FLCN: variants seen among roughly 807,000 people sequenced by gnomAD.
FLCN encodes folliculin, also known as BHD skin lesion fibrofolliculoma protein.
A neutral mutation model predicts 62.5 loss-of-function variants in FLCN; 22 were observed. The ratio of observed to expected loss-of-function variants is 0.35; its 90% confidence interval spans 0.25 to 0.50. The LOEUF is 0.50. Among genes scored for constraint, FLCN ranks in the 20% least tolerant of loss-of-function variants. The pLI, the probability that FLCN is intolerant of heterozygous loss-of-function variation, is 0.97. For missense variants in FLCN, 657 were observed against 778.0 expected, an observed-to-expected ratio of 0.84 and a Z score of 1.85; for synonymous variants, 319 against 310.0, an observed-to-expected ratio of 1.03 and a Z score of -0.30.
chr17:17,224,516 A>G, intron 5 of FLCN: 1 of 387,188 alleles, frequency 2.6e-6, no homozygotes, highest in Non-Finnish European at 4.8e-6. Context: ...CCTGCACTGA[A>G]ATCCGCACAT....
intron 6 of FLCN, chr17:17,222,927 G>A: frequency 2.0e-6 from 1 of 490,940 alleles, no homozygotes; most frequent in South Asian, 1.9e-5. Context: ...GCACCCAGGG[G>A]GATTCTCGTG....
At chr17:17,229,548 G>A (rs2047359217) in intron 3 of FLCN, 1 of 152,402 alleles carries the variant, frequency 6.6e-6, no homozygotes, top group Non-Finnish European at 1.5e-5. Flanking sequence ...GACTGGGAGG[G>A]AAGAGCGGGG....
At chr17:17,222,721 C>CT in intron 6 of FLCN, 60 bp from the exon 7 acceptor site, 4 of 1,609,352 alleles carry the variant, frequency 2.5e-6, no homozygotes, top group Non-Finnish European at 3.4e-6. Flanking sequence ...GCTCGGACCC[C>CT]TACTCGTTCA....
intron 2 of FLCN, 124 bp downstream of exon 2, chr17:17,232,664 G>C (rs1162617865): frequency 6.6e-6 from 1 of 152,436 alleles, no homozygotes; most frequent in Non-Finnish European, 1.5e-5. Context: ...ACTGCGAAAA[G>C]GAAGGCCACG....
chr17:17,221,577 A>T lies in FLCN; in HGVS notation c.831T>A (p.Ala277=). Reference sequence around the variant, plus strand: ...TCTGGACCAAGGTATCCTCGGTCGGAGCACCTTCCAGGAGCTTCTCGGTCA... The same window carrying T: ...TCTGGACCAAGGTATCCTCGGTCGGTGCACCTTCCAGGAGCTTCTCGGTCA... ...SRLTEKLLEG[A]PTEDTLVQME... Residue 277 remains alanine, a synonymous_variant, in exon 8 of 14, where the codon GCT becomes GCA. Coordinates refer to ENST00000285071, the MANE Select transcript of FLCN (RefSeq NM_144997.7). The T allele has an allele frequency of 6.2e-7, 1 of 1,611,658 alleles. No individual in the cohort carries two copies. Among genetic ancestry groups the T allele is most frequent in the South Asian group, 1.1e-5 (1 of 91,070 alleles).
At chr17:17,228,545 CCAATA>C in intron 3 of FLCN, 1 of 261,280 alleles carries the variant, frequency 3.8e-6, no homozygotes, top group Non-Finnish European at 7.6e-6. Context: ...GGTCCTCCAC[CCAATA>C]CATATCTGCT....
chr17:17,215,841 G>T (rs1056519544), intron 11 of FLCN, among the ~76,000 whole-genome samples: 1 of 152,168 alleles, frequency 6.6e-6, no homozygotes, highest in Non-Finnish European at 1.5e-5. Flanking sequence ...TGTGCTGGGG[G>T]AAGTCACTGA....
At chr17:17,229,910 CA>C (rs757784875) in intron 3 of FLCN, among the ~76,000 whole-genome samples, 3 of 152,164 alleles carry the variant, frequency 2.0e-5, no homozygotes, top group Non-Finnish European at 2.9e-5. Context: ...ATGTGAAGGC[CA>C]GGGGCAGCTG....
chr17:17,221,347 A>G, intron 8 of FLCN, 190 bp downstream of exon 8: 1 of 1,581,278 alleles, frequency 6.3e-7, no homozygotes, highest in African/African-American at 1.4e-5. Flanking sequence ...GGTCAAGGCA[A>G]ACGAGACAGG....
At position 17,213,014 on chromosome 17, in the gene FLCN, C is replaced by G. The variant is rs1163838088; in HGVS notation, c.*641G>C. On this transcript the variant is annotated 3_prime_UTR_variant, in exon 14 of 14. Transcript: ENST00000285071. ...ATGATCAGGGACTCCATCATTAAGC[C>G]CCAGGTTACCTTCACCAGCACCTGC... 5 of 240,626 alleles carry G rather than the reference C, an allele frequency of 2.1e-5. No individual in the cohort carries two copies. The highest frequency in any genetic ancestry group is 1.1e-4 in the African/African-American group (5 of 45,320). The allele number at this position is 240,626 out of a possible 1,614,324, so 14.9% of individuals were successfully genotyped here.
chr17:17,219,590 G>A (rs2047030742), intron 8 of FLCN: 1 of 184,696 alleles, frequency 5.4e-6, no homozygotes, highest in African/African-American at 3.7e-5. Flanking sequence ...TTTTTTTTGA[G>A]ACGGAGTCTC....
In FLCN at chr17:17,222,549, A is replaced by T; in HGVS notation, c.731T>A (p.Leu244Gln). The change falls in exon 7 of 14, where the codon CTG becomes CAG. Residue 244 changes from leucine to glutamine, a missense_variant. Transcript: ENST00000285071. ...NGNAARSLTS[L>Q]TSDDNLWACL... is the part of the protein sequence containing the mutation. ...CGCCCACAGGTTGTCATCACTTGTCAGCGATGTCAGCGAGCGGGCGGCGTT... is the reference window on the plus strand; with the variant it reads ...CGCCCACAGGTTGTCATCACTTGTCTGCGATGTCAGCGAGCGGGCGGCGTT... The T allele has an allele frequency of 6.2e-7, 1 of 1,614,248 alleles. No homozygotes were observed. The highest frequency in any genetic ancestry group is 2.2e-5 in the East Asian group (1 of 44,884).
At chr17:17,215,415 G>A in intron 11 of FLCN, 99 bp from the exon 12 acceptor site, 1 of 1,578,868 alleles carries the variant, frequency 6.3e-7, no homozygotes, top group Non-Finnish European at 8.7e-7. Context: ...TCCCAGGTCA[G>A]TGGGGAAGGC....
chr17:17,216,316 T>C lies in FLCN; in HGVS notation c.1300+64A>G. The stretch of plus-strand genomic sequence containing the variant: ...CCCATGACAGAGATCTGGTTCCACT[T>C]TGGGCCTGAGGCGTGGGGAACCTCA... On this transcript the variant is annotated intron_variant, in intron 11 of 13. Transcript: ENST00000285071. This position sits in a 1 kb window ranked among gnomAD's most constrained non-coding sequence, Gnocchi z 4.0. 1.2e-6 allele frequency: 2 copies of C among 1,604,170 alleles called. No homozygotes were observed. Among genetic ancestry groups the C allele is most frequent in the Non-Finnish European group, 1.7e-6 (2 of 1,174,932 alleles).
At position 17,213,645 on chromosome 17, in the gene FLCN, G is replaced by C. The variant is rs1361073991; in HGVS notation, c.*10C>G. 3 of 1,614,150 alleles carry C rather than the reference G, an allele frequency of 1.9e-6. No homozygotes were observed. The highest frequency in any genetic ancestry group is 3.3e-4 in the Middle Eastern group (2 of 6,062). ...GCCATCCCTGTCTTTAGGCAGGTGT[G>C]TGTGACGGGTCAGTTCCGAGACTCC... On this transcript the variant is annotated 3_prime_UTR_variant, in exon 14 of 14. Transcript: ENST00000285071.
At chr17:17,226,038 T>C in intron 5 of FLCN, 138 bp downstream of exon 5, 1 of 1,209,300 alleles carries the variant, frequency 8.3e-7, no homozygotes, top group East Asian at 2.5e-5. Flanking sequence ...CTGTACCCTG[T>C]GCTGTGCTGA....
chr17:17,232,264 C>T (rs978612005), intron 2 of FLCN, among the ~76,000 whole-genome samples: 1 of 152,202 alleles, frequency 6.6e-6, no homozygotes, highest in Non-Finnish European at 1.5e-5. Flanking sequence ...CAGAAGAGCT[C>T]CCCTCCACCC....
intron 1 of FLCN, among the ~76,000 whole-genome samples, chr17:17,234,215 TTTG>T (rs1567833088): frequency 1.5e-5 from 2 of 134,514 alleles, no homozygotes; most frequent in African/African-American, 2.7e-5. Context: ...TTTTTTTTGG[TTTG>T]TTTTTTTTTT....
chr17:17,232,309 GCTC>G (rs2047445827), intron 2 of FLCN, among the ~76,000 whole-genome samples: 1 of 152,196 alleles, frequency 6.6e-6, no homozygotes, highest in African/African-American at 2.4e-5. Flanking sequence ...GAGTCGTAGC[GCTC>G]CTCATCGCAG....
Sources: gnomAD v4.1 joint callset for allele counts (sites outside exome capture counted in the v4.1 genomes callset) on GRCh38, gnomAD v4.1.1 for gene constraint, Gnocchi (gnomAD v3.1) non-coding constraint, MANE v1.5 for transcripts, NCBI Gene and HGNC (gene_info 2026-07-23, HGNC 2026-07-21) for gene names.